RSBN1: variants seen among roughly 807,000 people sequenced by gnomAD.
The protein encoded by RSBN1 is lysine-specific demethylase 9.
In RSBN1, 23 loss-of-function variants were observed where a neutral mutation model predicts 74.8. The ratio of observed to expected loss-of-function variants is 0.31; its 90% CI spans 0.22 to 0.44. RSBN1 has a LOEUF of 0.44. Ranked by LOEUF, RSBN1 falls within the 20% of genes least tolerant of loss-of-function variation. The pLI, the probability that RSBN1 is intolerant of heterozygous loss-of-function variation, is 1.00. For synonymous variants in RSBN1, 407 were observed against 379.6 expected, an observed-to-expected ratio of 1.07 and a Z score of -0.84; for missense variants, 808 against 1,020.9, an observed-to-expected ratio of 0.79 and a Z score of 2.84.
At chr1:113,768,926 A>AT (rs1415280056) in intron 4 of RSBN1, among the ~76,000 whole-genome samples, 20 of 151,458 alleles carry the variant, frequency 1.3e-4, no homozygotes, top group Non-Finnish European at 1.9e-4. Flanking sequence ...GTGAAAAAAA[A>AT]AATATATATA....
Position 113,762,986 on chromosome 1 carries a change from A to G in RSBN1, c.*2994T>C, listed in dbSNP as rs1463183112. 6.5e-6 allele frequency: 1 copy of G among 152,788 alleles called. No individual in the cohort carries two copies. Among genetic ancestry groups the G allele is most frequent in the East Asian group, 1.9e-4 (1 of 5,342 alleles). 9.5% of individuals were successfully genotyped at this position (152,788 alleles called of 1,614,324 possible). On this transcript the variant is annotated 3_prime_UTR_variant, in exon 7 of 7. Transcript: ENST00000261441. ...GTTAAACAAATTCTAAGTACTGAATAAGCAAATTAAAGGTACAATTAAACC... is the reference window on the plus strand; with the variant it reads ...GTTAAACAAATTCTAAGTACTGAATGAGCAAATTAAAGGTACAATTAAACC...
chr1:113,809,592 T>A (rs1037302183), intron 1 of RSBN1, among the ~76,000 whole-genome samples: 3 of 152,214 alleles, frequency 2.0e-5, no homozygotes, highest in Middle Eastern at 3.2e-3. Flanking sequence ...CAGTACACAG[T>A]TTTTCTCAAA....
At chr1:113,780,130 G>A (rs550752558) in intron 2 of RSBN1, among the ~76,000 whole-genome samples, 2 of 152,240 alleles carry the variant, frequency 1.3e-5, no homozygotes, top group East Asian at 3.9e-4. Flanking sequence ...CATTTTATGG[G>A]ACAAATGTCC....
chr1:113,803,353 G>A (rs1660625400), intron 1 of RSBN1, among the ~76,000 whole-genome samples: 1 of 152,096 alleles, frequency 6.6e-6, no homozygotes, highest in Non-Finnish European at 1.5e-5. Flanking sequence ...AGCTCCTCGG[G>A]GTAAATATCA....
intron 2 of RSBN1, among the ~76,000 whole-genome samples, chr1:113,784,234 T>C (rs969594895): frequency 3.9e-5 from 6 of 152,206 alleles, no homozygotes; most frequent in Non-Finnish European, 5.9e-5. Context: ...ACAAGTTTAT[T>C]GTACAGTCAT....
chr1:113,768,572 G>A (rs954466073), intron 4 of RSBN1, among the ~76,000 whole-genome samples, 183 bp from the exon 5 acceptor site: 1 of 152,098 alleles, frequency 6.6e-6, no homozygotes, highest in Non-Finnish European at 1.5e-5. Context: ...AATGCTTAAT[G>A]TAATTACCTT....
intron 2 of RSBN1, among the ~76,000 whole-genome samples, chr1:113,789,895 C>A (rs1660332351): frequency 6.6e-6 from 1 of 152,154 alleles, no homozygotes; most frequent in South Asian, 2.1e-4. Context: ...TCAAAATAAT[C>A]TTCAAAAACA....
At chr1:113,772,514 G>C (rs1417588535) in intron 4 of RSBN1, among the ~76,000 whole-genome samples, 2 of 152,048 alleles carry the variant, frequency 1.3e-5, no homozygotes, top group Non-Finnish European at 2.9e-5. Context: ...TCCATTGTAA[G>C]TCTTGCTGTA....
chr1:113,812,215 C>T lies in RSBN1; in HGVS notation c.198G>A (p.Glu66=), dbSNP rs186649863. The change falls in exon 1 of 7, where the codon GAG becomes GAA. Residue 66 remains glutamate (E), a synonymous_variant. Coordinates refer to ENST00000261441, the MANE Select transcript of RSBN1 (RefSeq NM_018364.5). ...VRVVRAVAAQ[E]EPDKEGKEKP... ...TCTCCTTCCCCTCTTTGTCCGGCTCCTCCTGCGCCGCCACCGCCCGTACTA... is the reference window on the plus strand; with the variant it reads ...TCTCCTTCCCCTCTTTGTCCGGCTCTTCCTGCGCCGCCACCGCCCGTACTA... 1.4e-4 allele frequency: 218 copies of T among 1,607,464 alleles called. No individual in the cohort carries two copies. The highest frequency in any genetic ancestry group is 4.9e-4 in the Middle Eastern group (3 of 6,062).
At chr1:113,800,008 A>C (rs1660549987) in intron 1 of RSBN1, among the ~76,000 whole-genome samples, 1 of 152,198 alleles carries the variant, frequency 6.6e-6, no homozygotes. Flanking sequence ...TTACATCTAG[A>C]AAAACAAGTT....
At chr1:113,808,493 G>T (rs1159312550) in intron 1 of RSBN1, among the ~76,000 whole-genome samples, 1 of 152,098 alleles carries the variant, frequency 6.6e-6, no homozygotes, top group Admixed American at 6.5e-5. Context: ...TACGACCAAA[G>T]AAATGAAAAG....
Position 113,797,842 on chromosome 1 carries a change from T to G in RSBN1, c.898A>C (p.Ser300Arg). 6.2e-7 allele frequency: 1 copy of G among 1,614,120 alleles called. No homozygotes were observed. Among genetic ancestry groups the G allele is most frequent in the Non-Finnish European group, 8.5e-7 (1 of 1,179,984 alleles). ...GACTCCTTATTAAGTCCTGAAGTGC[T>G]ATTTATTTGTCCTTGGGTGAGAATT... is the stretch of plus-strand genomic sequence containing the variant. Reference protein sequence around the residue: ...KEILTQGQINSTSGLNKESFR... With the variant: ...KEILTQGQINRTSGLNKESFR... Residue 300 changes from serine to arginine, a missense_variant, in exon 2 of 7, where the codon AGC becomes CGC. Around this residue, in one of 6 missense-constraint regions of RSBN1, gnomAD observed 85 missense variants for 126.2 expected, o/e 0.67. Coordinates refer to ENST00000261441, the MANE Select transcript of RSBN1 (RefSeq NM_018364.5).
intron 4 of RSBN1, among the ~76,000 whole-genome samples, chr1:113,776,451 C>G (rs1424147956): frequency 1.3e-5 from 2 of 152,156 alleles, no homozygotes; most frequent in African/African-American, 4.8e-5. Flanking sequence ...AACTGATCCT[C>G]CTACTTCAGC....
intron 2 of RSBN1, among the ~76,000 whole-genome samples, chr1:113,789,144 G>T (rs1487502033): frequency 1.3e-5 from 2 of 151,906 alleles, no homozygotes; most frequent in Non-Finnish European, 2.9e-5. Flanking sequence ...ACAATTAGAG[G>T]GTTGGACGGT....
rs376322921 is a variant in RSBN1, at chr1:113,797,020, C to A, written c.1377+343G>T. 1.1e-4 allele frequency among the ~76,000 whole-genome samples: 17 copies of A among 152,148 alleles called. No individual in the cohort carries two copies. In the East Asian group the frequency reaches 2.7e-3, roughly 24 times the overall value. On this transcript the variant is annotated intron_variant, in intron 2 of 6. Coordinates refer to ENST00000261441, the MANE Select transcript of RSBN1 (RefSeq NM_018364.5). ...CACGTGTTTTATTATGATATAAAAG[C>A]AAATCTTAACTAAAGTTATCCTGAG...
chr1:113,790,762 G>A (rs570418485), intron 2 of RSBN1, among the ~76,000 whole-genome samples: 1 of 152,274 alleles, frequency 6.6e-6, no homozygotes, highest in South Asian at 2.1e-4. Context: ...CAAATGAAAG[G>A]AACTAGAGTA....
At chr1:113,780,609 G>T (rs1049813954) in intron 2 of RSBN1, among the ~76,000 whole-genome samples, 2 of 152,178 alleles carry the variant, frequency 1.3e-5, no homozygotes, top group African/African-American at 2.4e-5. Flanking sequence ...TCATAATTTC[G>T]CCAAGACCAA....
At chr1:113,774,152 T>G (rs903433877) in intron 4 of RSBN1, among the ~76,000 whole-genome samples, 3 of 152,194 alleles carry the variant, frequency 2.0e-5, no homozygotes, top group East Asian at 1.9e-4. Flanking sequence ...GCTGATTTGC[T>G]GATTTCTATG....
intron 2 of RSBN1, among the ~76,000 whole-genome samples, chr1:113,779,572 C>CA: frequency 6.6e-6 from 1 of 152,234 alleles, no homozygotes; most frequent in Admixed American, 6.5e-5. Flanking sequence ...CAGCATGGAA[C>CA]AAAGGCTCAT....
Sources: gnomAD v4.1 joint callset for allele counts (sites outside exome capture counted in the v4.1 genomes callset) on GRCh38, gnomAD v4.1.1 for gene constraint, gnomAD v4.1.1 regional missense constraint, MANE v1.5 for transcripts, NCBI Gene and HGNC (gene_info 2026-07-23, HGNC 2026-07-21) for gene names.